LILRB2: variants seen among roughly 807,000 people sequenced by gnomAD.
LILRB2 encodes the protein leukocyte immunoglobulin-like receptor subfamily B member 2.
A neutral mutation model predicts 72.7 loss-of-function variants in LILRB2; 47 were observed. The observed-to-expected ratio is 0.65, with a 90% CI of 0.51 to 0.82. The LOEUF (loss-of-function observed/expected upper bound fraction) is 0.82, where lower values mean the gene tolerates loss of function less well. Ranked by LOEUF, LILRB2 falls within the 40% of genes least tolerant of loss-of-function variation. The pLI is 0.00. For synonymous variants in LILRB2, 279 were observed against 313.7 expected (o/e 0.89, Z 1.17); for missense variants, 767 against 764.8 (o/e 1.00, Z -0.03).
chr19:54,274,602 G>A lies in LILRB2; in HGVS notation c.*81C>T. ...GGTCCAGGCTGACTGGGGTTCATTG[G>A]TGTCCACTGGGGGCAGCTCCCGTGC... On this transcript the variant is annotated 3_prime_UTR_variant, in exon 14 of 14. Transcript: ENST00000314446. 1.2e-6 allele frequency: 2 copies of A among 1,604,500 alleles called. No homozygotes were observed. Among genetic ancestry groups the A allele is most frequent in the South Asian group, 1.1e-5 (1 of 90,012 alleles).
In LILRB2 at chr19:54,279,971, G is replaced by C; in HGVS notation, c.175C>G (p.Arg59Gly). ...GCTGATTTTTTCTCCCTATATAGAC[G>C]GTACTCCTGGGCTTCAAGGCTCCCC... is the stretch of plus-strand genomic sequence containing the variant. ...CQGSLEAQEY[R>G]LYREKKSASW... Residue 59 changes from arginine (R) to glycine (G), a missense_variant, in exon 4 of 14, where the codon CGT becomes GGT. Physicochemically the swap from Arg to Gly is moderately radical, Grantham distance 125. Transcript: ENST00000314446. The C allele has an allele frequency of 6.2e-7, 1 of 1,614,066 alleles. No individual in the cohort carries two copies. Among genetic ancestry groups the C allele is most frequent in the South Asian group, 1.1e-5 (1 of 91,082 alleles).
In LILRB2 at chr19:54,278,557, T is replaced by A. The variant is rs771938857; in HGVS notation, c.961A>T (p.Ile321Phe). ...ACTGAGATGAAGGGTGTGCCACGGA[T>A]CTGTCCTGGAGAGAAGAAGGATGGG... ...DPLDILITGQ[I>F]RGTPFISVQP... The change falls in exon 7 of 14, where the codon ATC (isoleucine) becomes TTC (phenylalanine). Residue 321 changes from isoleucine (I) to phenylalanine (F), a missense_variant. Transcript: ENST00000314446. The A allele has an allele frequency of 4.8e-5, 78 of 1,613,938 alleles. No individual in the cohort carries two copies. The Admixed American group carries it at 5.2e-4, about 11-fold the overall frequency.
rs750459210 is a variant in LILRB2, at chr19:54,278,427, G to A, written c.1091C>T (p.Ala364Val). 3.7e-6 allele frequency: 6 copies of A among 1,614,224 alleles called. No homozygotes were observed. In the Middle Eastern group the frequency reaches 4.9e-4, roughly 133 times the overall value. Reference sequence around the variant, plus strand: ...GTGTATTGATCTTAGACGGAGTGGGGCATCAGCTGCTCCCGCCTTGGTCAG... The same window carrying A: ...GTGTATTGATCTTAGACGGAGTGGGACATCAGCTGCTCCCGCCTTGGTCAG... ...FLLTKAGAAD[A>V]PLRLRSIHEY... Residue 364 changes from alanine to valine, a missense_variant, in exon 7 of 14, where the codon GCC (alanine) becomes GTC (valine). Around this residue, in one of 3 missense-constraint regions of LILRB2, gnomAD observed 599 missense variants for 568.2 expected, o/e 1.05. Transcript: ENST00000314446.
rs2080503302 is a variant in LILRB2 at position 54,280,520 on chromosome 19, T to C, written c.-24A>G. Reference sequence around the variant, plus strand: ...ATGGCGTCTCCTCCCACTGCCCTGCTCTGCGGATGGATGAGCCCTCGGTGC... The same window carrying C: ...ATGGCGTCTCCTCCCACTGCCCTGCCCTGCGGATGGATGAGCCCTCGGTGC... On this transcript the variant is annotated 5_prime_UTR_variant, in exon 2 of 14. Coordinates refer to ENST00000314446, the MANE Select transcript of LILRB2 (RefSeq NM_001080978.4). 1 of 1,613,724 alleles carries C rather than the reference T, an allele frequency of 6.2e-7. No homozygotes were observed. The highest frequency in any genetic ancestry group is 1.7e-4 in the Middle Eastern group (1 of 6,060).
At position 54,277,511 on chromosome 19, in the gene LILRB2, G is replaced by A. The variant is rs61654100; in HGVS notation, c.1357+39C>T. On this transcript the variant is annotated intron_variant, in intron 9 of 13. Coordinates refer to ENST00000314446, the MANE Select transcript of LILRB2 (RefSeq NM_001080978.4). Reference sequence around the variant, plus strand: ...GGACAGAACCCACCCCTGCCTCCCCGGGACCCCGCCCACCTCCCACTCAGA... The same window carrying A: ...GGACAGAACCCACCCCTGCCTCCCCAGGACCCCGCCCACCTCCCACTCAGA... The A allele has an allele frequency of 4.3e-5, 65 of 1,502,854 alleles. No homozygotes were observed. The African/African-American group carries it at 6.1e-4, about 14-fold the overall frequency. 93.1% of individuals were successfully genotyped at this position (1,502,854 alleles called of 1,614,324 possible). A position where few individuals can be genotyped will look rare whatever the true frequency, so the allele number is the denominator to read the frequency against.
At chr19:54,277,686 A>G in intron 8 of LILRB2, 89 bp from the exon 9 acceptor site, 1 of 1,478,968 alleles carries the variant, frequency 6.8e-7, no homozygotes, top group Non-Finnish European at 9.2e-7. Context: ...GGGCCCCAAC[A>G]TTTCTCTCTG....
At position 54,274,724 on chromosome 19, in the gene LILRB2, G is replaced by C; in HGVS notation, c.1753C>G (p.Pro585Ala). ...EPPPSQEREP[P>A]AEPSIYATLA... ...GTGGCGTAGATGCTGGGCTCAGCTG[G>C]AGGTTCCCTTTCCTGGGATGGAGGA... The change falls in exon 14 of 14, where the codon CCA (proline) becomes GCA (alanine). Residue 585 changes from proline (P) to alanine (A), a missense_variant. Around this residue, in one of 3 missense-constraint regions of LILRB2, gnomAD observed 162 missense variants for 176.7 expected, o/e 0.92. Coordinates refer to ENST00000314446, the MANE Select transcript of LILRB2 (RefSeq NM_001080978.4). The C allele has an allele frequency of 6.2e-7, 1 of 1,613,930 alleles. No individual in the cohort carries two copies. Among genetic ancestry groups the C allele is most frequent in the Non-Finnish European group, 8.5e-7 (1 of 1,180,034 alleles).
Position 54,278,289 on chromosome 19 carries a change from G to A in LILRB2, c.1229C>T (p.Pro410Leu), listed in dbSNP as rs199908779. 4.3e-6 allele frequency: 7 copies of A among 1,614,194 alleles called. No individual in the cohort carries two copies. The highest frequency in any genetic ancestry group is 5.9e-6 in the Non-Finnish European group (7 of 1,180,020). Residue 410 changes from proline to leucine, a missense_variant, in exon 7 of 14, where the codon CCC becomes CTC. By Grantham distance (98) the Pro-to-Leu change is moderately conservative (BLOSUM62 -3). Transcript: ENST00000314446. The part of the protein sequence containing the change: ...LNSDPYLLSH[P>L]SEPLELVVSG... ...GACCACGAGCTCCAGGGGCTCACTG[G>A]GGTGAGACAGCAGGTAGGGGTCGGA...
chr19:54,281,068 C>T lies in LILRB2; in HGVS notation c.-156G>A, dbSNP rs1300862109. The stretch of plus-strand genomic sequence containing the variant: ...AGCATCTCGCCTCTGGCTGTGCTGT[C>T]CAGGTTGAGCTGTGTGTGGCAGTGA... On this transcript the variant is annotated 5_prime_UTR_variant, in exon 1 of 14. Transcript: ENST00000314446. 2.2e-6 allele frequency: 1 copy of T among 455,262 alleles called. No homozygotes were observed. Among genetic ancestry groups the T allele is most frequent in the Admixed American group, 2.5e-5 (1 of 40,594 alleles). The allele number at this position is 455,262 out of a possible 1,614,324, so 28.2% of individuals were successfully genotyped here.
At chr19:54,277,722 C>G (rs1400129648) in intron 8 of LILRB2, 125 bp from the exon 9 acceptor site, 3 of 1,369,490 alleles carry the variant, frequency 2.2e-6, no homozygotes, top group Non-Finnish European at 3.0e-6. Flanking sequence ...CCTCACCAGC[C>G]CAGCCTCAGA....
chr19:54,274,983 A>G (rs1300083164), intron 13 of LILRB2, 154 bp from the exon 14 acceptor site: 2 of 1,608,562 alleles, frequency 1.2e-6, no homozygotes, highest in Non-Finnish European at 1.7e-6. Flanking sequence ...GTGGGGAGGG[A>G]GGAGAGGCCA....
In LILRB2 at chr19:54,275,662, G is replaced by A. The variant is rs184392419; in HGVS notation, c.1647+289C>T. On this transcript the variant is annotated intron_variant, in intron 13 of 13. Coordinates refer to ENST00000314446, the MANE Select transcript of LILRB2 (RefSeq NM_001080978.4). Reference sequence around the variant, plus strand: ...TGAATGAATGAAGGGGAGCCCAGGGGACCGGGGTGGTTCATTTATTCCTCA... The same window carrying A: ...TGAATGAATGAAGGGGAGCCCAGGGAACCGGGGTGGTTCATTTATTCCTCA... 127 of 575,018 alleles carry A rather than the reference G, an allele frequency of 2.2e-4. 1 individual carries two copies. The highest frequency in any genetic ancestry group is 1.7e-3 in the African/African-American group (90 of 53,596). The allele number at this position is 575,018 out of a possible 1,614,324, so 35.6% of individuals were successfully genotyped here.
intron 1 of LILRB2, 113 bp downstream of exon 1, chr19:54,280,848 T>G (rs1244914973): frequency 3.8e-6 from 2 of 520,902 alleles, no homozygotes; most frequent in African/African-American, 7.2e-5. Context: ...GCTTCTTGTG[T>G]CTGCCCTTCC....
chr19:54,275,605 C>A, intron 13 of LILRB2: 1 of 535,122 alleles, frequency 1.9e-6, no homozygotes, highest in Non-Finnish European at 3.7e-6. Context: ...GGAGCCTGAT[C>A]CACAGTGAGC....
chr19:54,279,679 G>T (rs1370754365), intron 4 of LILRB2, 32 bp from the exon 5 acceptor site: 6 of 1,597,318 alleles, frequency 3.8e-6, no homozygotes, highest in Admixed American at 1.7e-5. Flanking sequence ...TGTTAAATGG[G>T]GCTCCCACCT....
chr19:54,280,403 T>G (rs1443787586), intron 2 of LILRB2, 60 bp downstream of exon 2: 8 of 1,613,462 alleles, frequency 5.0e-6, no homozygotes, highest in Non-Finnish European at 6.8e-6. Context: ...GGGACCAGAG[T>G]TTGGCTGTGG....
At chr19:54,275,909 A>C (rs1361901469) in intron 13 of LILRB2, 42 bp downstream of exon 13, 5 of 1,610,204 alleles carry the variant, frequency 3.1e-6, no homozygotes, top group African/African-American at 1.3e-5. Context: ...TAGATCTGGC[A>C]CCAGGAGGCC....
chr19:54,275,716 C>T, intron 13 of LILRB2: 1 of 669,096 alleles, frequency 1.5e-6, no homozygotes, highest in South Asian at 1.5e-5. Context: ...AGCGCTCTAA[C>T]AACCAGACGG....
rs369313750 is a variant in LILRB2, at chr19:54,276,756, G to T, written c.1480+51C>A. The stretch of plus-strand genomic sequence containing the variant: ...AGTGGTTTGGATTCTCTTTGGCTGT[G>T]CCCTGAGCCCACCCTCGGTCGGCCC... On this transcript the variant is annotated intron_variant, in intron 10 of 13. Transcript: ENST00000314446. 1.3e-5 allele frequency: 20 copies of T among 1,592,378 alleles called. No individual in the cohort carries two copies. In the African/African-American group the frequency reaches 2.5e-4, roughly 20 times the overall value.
Sources: allele counts gnomAD v4.1 joint callset, GRCh38; gene constraint gnomAD v4.1.1; regional missense constraint gnomAD v4.1.1; transcripts MANE v1.5; gene names NCBI Gene and HGNC (gene_info 2026-07-23, HGNC 2026-07-21).